The following SEMA5A variants were observed in gnomAD, a reference collection of about 807,000 sequenced individuals.
The protein encoded by SEMA5A is semaphorin-5A.
In SEMA5A, 55 loss-of-function variants were observed where a neutral mutation model predicts 135.5. That is an observed-to-expected ratio of 0.41 (90% CI 0.33 to 0.51). SEMA5A has a LOEUF of 0.51. Ranked by LOEUF, SEMA5A falls within the 20% of genes least tolerant of loss-of-function variation. The probability of loss-of-function intolerance (pLI) is 0.37; values close to 1 mark genes in which losing one functional copy is unlikely to be tolerated. For missense variants in SEMA5A, 1,290 were observed against 1,419.9 expected (o/e 0.91, Z 1.47); for synonymous variants, 580 against 546.5 (o/e 1.06, Z -0.85).
intron 2 of SEMA5A, among the ~76,000 whole-genome samples, chr5:9,437,058 T>C (rs1384733498): frequency 6.6e-6 from 1 of 152,124 alleles, no homozygotes; most frequent in African/African-American, 2.4e-5. Context: ...GTTTAGGGCT[T>C]ACCCAGCAGG....
At chr5:9,356,130 C>T (rs551246380) in intron 3 of SEMA5A, among the ~76,000 whole-genome samples, 1 of 152,296 alleles carries the variant, frequency 6.6e-6, no homozygotes, top group South Asian at 2.1e-4. Flanking sequence ...CTGATAGCCC[C>T]AGGTAAGTCC....
At chr5:9,328,176 C>G (rs1752960596) in intron 4 of SEMA5A, among the ~76,000 whole-genome samples, 1 of 152,164 alleles carries the variant, frequency 6.6e-6, no homozygotes, top group Admixed American at 6.5e-5. Flanking sequence ...TGTTGGCCAT[C>G]AATTGCTGTC....
chr5:9,118,459 G>C (rs1579426281), intron 15 of SEMA5A, among the ~76,000 whole-genome samples: 1 of 152,162 alleles, frequency 6.6e-6, no homozygotes, highest in Admixed American at 6.5e-5. Flanking sequence ...ATGATGTGCT[G>C]AAAGCTCAAA....
intron 8 of SEMA5A, among the ~76,000 whole-genome samples, chr5:9,216,887 C>G (rs2150398772): frequency 6.6e-6 from 1 of 152,242 alleles, no homozygotes; most frequent in South Asian, 2.1e-4. Flanking sequence ...TCATGTGACA[C>G]AGGTCTCTTG....
intron 16 of SEMA5A, among the ~76,000 whole-genome samples, chr5:9,077,109 T>C (rs768512503): frequency 5.9e-5 from 9 of 152,142 alleles, no homozygotes; most frequent in Admixed American, 1.3e-4. Context: ...GTTTCTTACT[T>C]ACTCACCATC....
At chr5:9,443,718 G>T (rs1758323956) in intron 1 of SEMA5A, among the ~76,000 whole-genome samples, 1 of 152,220 alleles carries the variant, frequency 6.6e-6, no homozygotes, top group Non-Finnish European at 1.5e-5. Context: ...ATCTTTGAAG[G>T]ATACAAATAA....
Position 9,449,198 on chromosome 5 carries a change from A to G in SEMA5A, c.-174-11346T>C, listed in dbSNP as rs187284366. ...CCCATCAGTGATAGACTAGATAAAG[A>G]AAATGTGGTACATGCACATCATGGA... is the stretch of plus-strand genomic sequence containing the variant. On this transcript the variant is annotated intron_variant, in intron 1 of 22. Coordinates refer to ENST00000382496, the MANE Select transcript of SEMA5A (RefSeq NM_003966.3). Among the ~76,000 whole-genome samples, 130 of 152,348 alleles carry G rather than the reference A, an allele frequency of 8.5e-4. 1 individual carries two copies. Among genetic ancestry groups the G allele is most frequent in the Middle Eastern group, 3.4e-3 (1 of 294 alleles).
At position 9,430,386 on chromosome 5, in the gene SEMA5A, G is replaced by C. The variant is rs113814187; in HGVS notation, c.-78+7370C>G. On this transcript the variant is annotated intron_variant, in intron 2 of 22. Coordinates refer to ENST00000382496, the MANE Select transcript of SEMA5A (RefSeq NM_003966.3). ...AGCTTAGGGATAGGTTTTGGCTGAA[G>C]ATAGACATGTGGGAGTAATTAGTGT... Among the ~76,000 whole-genome samples the C allele has an allele frequency of 4.4e-3, 663 of 152,326 alleles. 5 individuals are homozygous for C. The highest frequency in any genetic ancestry group is 0.015 in the African/African-American group (639 of 41,572).
chr5:9,210,028 C>G (rs780403951), intron 8 of SEMA5A, among the ~76,000 whole-genome samples: 6 of 152,290 alleles, frequency 3.9e-5, no homozygotes, highest in Admixed American at 3.3e-4. Flanking sequence ...TTCTAGTACA[C>G]GTCTGCATGA....
intron 5 of SEMA5A, among the ~76,000 whole-genome samples, chr5:9,275,509 A>C (rs1015536627): frequency 6.6e-5 from 10 of 152,038 alleles, no homozygotes; most frequent in African/African-American, 2.4e-4. Flanking sequence ...TAATACCAAA[A>C]CCTGCAGAGA....
chr5:9,186,767 A>C (rs1023984734), intron 11 of SEMA5A, among the ~76,000 whole-genome samples: 1 of 152,228 alleles, frequency 6.6e-6, no homozygotes, highest in Non-Finnish European at 1.5e-5. Context: ...ATATAATCAA[A>C]TCACAGTAAT....
chr5:9,042,048 G>C lies in SEMA5A; in HGVS notation c.*849C>G, dbSNP rs982260555. 1.3e-5 allele frequency: 2 copies of C among 152,202 alleles called. No homozygotes were observed. Among genetic ancestry groups the C allele is most frequent in the Non-Finnish European group, 2.9e-5 (2 of 68,040 alleles). The allele number at this position is 152,202 out of a possible 1,614,324, so 9.4% of individuals were successfully genotyped here. Reference sequence around the variant, plus strand: ...CTATCCAAACGCTAAGTAAGTGGTTGGTTATTTTACAGACTGGCTCTTCAG... The same window carrying C: ...CTATCCAAACGCTAAGTAAGTGGTTCGTTATTTTACAGACTGGCTCTTCAG... On this transcript the variant is annotated 3_prime_UTR_variant, in exon 23 of 23. Transcript: ENST00000382496.
chr5:9,202,371 G>T, intron 8 of SEMA5A, 131 bp from the exon 9 acceptor site: 2 of 730,130 alleles, frequency 2.7e-6, no homozygotes, highest in Non-Finnish European at 4.1e-6. Context: ...AGGACTATTG[G>T]GAGGCCCCGT....
At chr5:9,351,689 A>G (rs1754123050) in intron 3 of SEMA5A, among the ~76,000 whole-genome samples, 1 of 152,228 alleles carries the variant, frequency 6.6e-6, no homozygotes, top group Admixed American at 6.5e-5. Context: ...GGACAGAAGA[A>G]AAGTCAGATC....
At chr5:9,155,746 A>G (rs915602810) in intron 11 of SEMA5A, among the ~76,000 whole-genome samples, 1 of 152,228 alleles carries the variant, frequency 6.6e-6, no homozygotes, top group African/African-American at 2.4e-5. Flanking sequence ...CAAGCAATTC[A>G]TTGCAAAAGA....
At chr5:9,518,264 A>C (rs1303871710) in intron 1 of SEMA5A, among the ~76,000 whole-genome samples, 1 of 152,164 alleles carries the variant, frequency 6.6e-6, no homozygotes, top group East Asian at 1.9e-4. Flanking sequence ...TTAAATCTAC[A>C]ATTTTATGTG....
chr5:9,297,184 G>A lies in SEMA5A; in HGVS notation c.270+21188C>T, dbSNP rs780723245. Among the ~76,000 whole-genome samples the A allele has an allele frequency of 4.7e-5, 7 of 148,314 alleles. No individual in the cohort carries two copies. The Admixed American group carries it at 5.1e-4, about 11-fold the overall frequency. On this transcript the variant is annotated intron_variant, in intron 5 of 22. Coordinates refer to ENST00000382496, the MANE Select transcript of SEMA5A (RefSeq NM_003966.3). ...TACATATATATATACATATACATATGTATATACACATACATATGTATATAC... is the reference window on the plus strand; with the variant it reads ...TACATATATATATACATATACATATATATATACACATACATATGTATATAC...
intron 2 of SEMA5A, among the ~76,000 whole-genome samples, chr5:9,408,364 G>T (rs1283113033): frequency 6.6e-6 from 1 of 152,158 alleles, no homozygotes; most frequent in African/African-American, 2.4e-5. Context: ...TCTACTTCCT[G>T]CACTTTTACA....
chr5:9,513,177 GT>G (rs143009689), intron 1 of SEMA5A, among the ~76,000 whole-genome samples: 27 of 151,032 alleles, frequency 1.8e-4, no homozygotes, highest in Middle Eastern at 3.5e-3. Flanking sequence ...CTCAAGATAT[GT>G]TTTTTTAAAA....
Sources: gnomAD v4.1 joint callset for allele counts (sites outside exome capture counted in the v4.1 genomes callset) on GRCh38, gnomAD v4.1.1 for gene constraint, MANE v1.5 for transcripts, NCBI Gene and HGNC (gene_info 2026-07-23, HGNC 2026-07-21) for gene names.